Variants in SETD2 observed in about 807,000 individuals in gnomAD.
SETD2 encodes the protein SET domain containing 2, histone lysine methyltransferase.
SETD2 carries 31 observed loss-of-function variants against 242.1 expected under a neutral mutation model. The observed-to-expected ratio is 0.13, with a 90% confidence interval of 0.10 to 0.17. The LOEUF is 0.17. Among genes scored for constraint, SETD2 ranks in the 10% least tolerant of loss-of-function variants. The pLI is 1.00. For missense variants in SETD2, 2,481 were observed against 3,046.3 expected (o/e 0.81, Z 4.37); for synonymous variants, 1,006 against 1,066.5 (o/e 0.94, Z 1.11).
intron 12 of SETD2, 61 bp from the exon 13 acceptor site, chr3:47,067,179 AACTG>A (rs2040593693): frequency 6.6e-6 from 8 of 1,208,484 alleles, no homozygotes; most frequent in East Asian, 4.7e-5. Context: ...ATTGCTTTGA[AACTG>A]ACTGTTTTCA....
chr3:47,045,249 G>A (rs1302998640), intron 16 of SETD2, among the ~76,000 whole-genome samples: 1 of 152,166 alleles, frequency 6.6e-6, no homozygotes, highest in Non-Finnish European at 1.5e-5. Context: ...GTTGGGCACA[G>A]TGGCTCATCC....
At chr3:47,136,951 C>A (rs1377955594) in intron 1 of SETD2, among the ~76,000 whole-genome samples, 1 of 151,758 alleles carries the variant, frequency 6.6e-6, no homozygotes. Context: ...AAGAATCCAT[C>A]TAAAAAAAAG....
chr3:47,024,193 C>T (rs1042537870), intron 18 of SETD2, among the ~76,000 whole-genome samples: 4 of 152,132 alleles, frequency 2.6e-5, no homozygotes, highest in Non-Finnish European at 1.5e-5. Context: ...TACAAAAAGG[C>T]CAGGCGTGGT....
intron 13 of SETD2, among the ~76,000 whole-genome samples, chr3:47,063,432 ACACCACTGCGCTT>A (rs923953570): frequency 2.6e-5 from 4 of 152,018 alleles, no homozygotes; most frequent in African/African-American, 9.7e-5. Context: ...AGCTCTGTTT[ACACCACTGCGCTT>A]CAGCCTGGGC....
At chr3:47,039,523 T>C (rs2039176822) in intron 17 of SETD2, among the ~76,000 whole-genome samples, 1 of 151,878 alleles carries the variant, frequency 6.6e-6, no homozygotes, top group African/African-American at 2.4e-5. Flanking sequence ...CAAACTTTTT[T>C]TATTTTTGGA....
At chr3:47,117,648 T>C (rs1330037525) in intron 3 of SETD2, among the ~76,000 whole-genome samples, 1 of 152,212 alleles carries the variant, frequency 6.6e-6, no homozygotes, top group Non-Finnish European at 1.5e-5. Context: ...TCTGCATAAA[T>C]TTTGTTTAAA....
At chr3:47,098,159 C>T (rs2107675409) in intron 8 of SETD2, 78 bp from the exon 9 acceptor site, 3 of 1,484,422 alleles carry the variant, frequency 2.0e-6, no homozygotes, top group Non-Finnish European at 2.8e-6. Flanking sequence ...ACACAAAAGT[C>T]ATACCAGTCT....
intron 18 of SETD2, among the ~76,000 whole-genome samples, chr3:47,028,198 G>C (rs1418293936): frequency 2.0e-5 from 3 of 152,130 alleles, no homozygotes; most frequent in Non-Finnish European, 4.4e-5. Context: ...CCTGAGACAA[G>C]GGACAAAATG....
At chr3:47,160,439 T>TCTGTCTCTACAAAAAA (rs1697456656) in intron 1 of SETD2, among the ~76,000 whole-genome samples, 1 of 151,784 alleles carries the variant, frequency 6.6e-6, no homozygotes, top group Non-Finnish European at 1.5e-5. Context: ...TAGCTGGGAT[T>TCTGTCTCTACAAAAAA]ACAGGCGCCT....
chr3:47,101,025 A>G (rs1365355410), intron 8 of SETD2, among the ~76,000 whole-genome samples: 1 of 150,758 alleles, frequency 6.6e-6, no homozygotes, highest in Non-Finnish European at 1.5e-5. Flanking sequence ...AAAAAAAAAA[A>G]AAAAAAAAAA....
chr3:47,158,547 T>C (rs1279751470), intron 1 of SETD2, among the ~76,000 whole-genome samples: 3 of 152,222 alleles, frequency 2.0e-5, no homozygotes, highest in Non-Finnish European at 4.4e-5. Flanking sequence ...ATATTTTCAC[T>C]TCCTTATGAT....
chr3:47,018,484 T>C (rs2107491157), intron 19 of SETD2, among the ~76,000 whole-genome samples: 1 of 152,278 alleles, frequency 6.6e-6, no homozygotes, highest in East Asian at 1.9e-4. Context: ...CAGTGAGCCT[T>C]CAGGTGTTCA....
chr3:47,115,002 A>C (rs2042801887), intron 4 of SETD2, among the ~76,000 whole-genome samples: 1 of 152,134 alleles, frequency 6.6e-6, no homozygotes, highest in Non-Finnish European at 1.5e-5. Flanking sequence ...GATTTGCTCT[A>C]GAGTGAGGCA....
At chr3:47,019,870 C>T (rs2038141496) in intron 18 of SETD2, 30 bp from the exon 19 acceptor site, 5 of 1,592,332 alleles carry the variant, frequency 3.1e-6, no homozygotes, top group Admixed American at 3.3e-5. Context: ...CACAGTGGTG[C>T]TGGCATGAGA....
At position 47,057,073 on chromosome 3, in the gene SETD2, A is replaced by C; in HGVS notation, c.6711T>G (p.Ser2237Arg). ...PHVAAPVEVS[S>R]SQYVAQSDGV... ...CATCACTCTGGGCCACATACTGGGA[A>C]CTGGAAACTTCCACAGGAGCTGCCA... is the stretch of plus-strand genomic sequence containing the variant. The change falls in exon 15 of 21, where the codon AGT (serine) becomes AGG (arginine). Residue 2237 changes from serine (S) to arginine (R), a missense_variant. Transcript: ENST00000409792. 4 of 1,614,254 alleles carry C rather than the reference A, an allele frequency of 2.5e-6. No individual in the cohort carries two copies. Among genetic ancestry groups the C allele is most frequent in the Non-Finnish European group, 3.4e-6 (4 of 1,180,040 alleles).
intron 4 of SETD2, 86 bp downstream of exon 4, chr3:47,116,537 T>TA: frequency 7.1e-7 from 1 of 1,408,634 alleles, no homozygotes; most frequent in Admixed American, 2.1e-5. Flanking sequence ...GGAGAAAGGT[T>TA]AAATTTTATT....
chr3:47,104,804 G>T (rs1342485183), intron 6 of SETD2, among the ~76,000 whole-genome samples: 1 of 152,172 alleles, frequency 6.6e-6, no homozygotes, highest in African/African-American at 2.4e-5. Flanking sequence ...GGGTGTAGTG[G>T]TTCATGCCTG....
chr3:47,111,740 T>C (rs2042658388), intron 5 of SETD2, among the ~76,000 whole-genome samples: 1 of 149,704 alleles, frequency 6.7e-6, no homozygotes, highest in South Asian at 2.1e-4. Context: ...TCATTTCTTA[T>C]CTTCAAAGGA....
rs1309150228 is a variant in SETD2 at position 47,106,493 on chromosome 3, T to TTA, written c.4716-374_4716-373insTA. 8.7e-5 allele frequency among the ~76,000 whole-genome samples: 5 copies of TTA among 57,260 alleles called. 1 individual carries two copies. Among genetic ancestry groups the TTA allele is most frequent in the African/African-American group, 2.7e-4 (4 of 14,910 alleles). The allele number at this position is 57,260 out of a possible 152,430, so 37.6% of individuals were successfully genotyped here. On this transcript the variant is annotated intron_variant, in intron 5 of 20. Coordinates refer to ENST00000409792, the MANE Select transcript of SETD2 (RefSeq NM_014159.7). ...CTGAAAAGTTAGAGGATTTTTGCTCTAAAAAAAAAAAAAAAAAAAAAAAAA... is the reference window on the plus strand; with the variant it reads ...CTGAAAAGTTAGAGGATTTTTGCTCTTAAAAAAAAAAAAAAAAAAAAAAAAAA...
Sources: allele counts gnomAD v4.1 joint callset (sites outside exome capture counted in the v4.1 genomes callset), GRCh38; gene constraint gnomAD v4.1.1; transcripts MANE v1.5; gene names NCBI Gene and HGNC (gene_info 2026-07-23, HGNC 2026-07-21).